Variants in PHACTR1 observed in about 807,000 individuals in gnomAD.
PHACTR1 encodes the protein phosphatase and actin regulator 1.
PHACTR1 carries 16 observed loss-of-function variants against 69.2 expected under a neutral mutation model. The observed-to-expected ratio is 0.23, with a 90% CI of 0.16 to 0.35. PHACTR1 has a LOEUF of 0.35. PHACTR1 is among the 10% of genes least tolerant of loss of function. The pLI, the probability that PHACTR1 is intolerant of heterozygous loss-of-function variation, is 1.00. For missense variants in PHACTR1, 510 were observed against 734.7 expected (o/e 0.69, Z 3.54); for synonymous variants, 312 against 284.5 (o/e 1.10, Z -0.97).
At chr6:13,196,460 GC>G (rs1394512845) in intron 7 of PHACTR1, 6 of 148,606 alleles carry the variant, frequency 4.0e-5, no homozygotes, top group African/African-American at 1.9e-4. Flanking sequence ...TCACTCTGTT[GC>G]CCACGGTGGA....
chr6:12,806,219 G>A (rs906244627), intron 4 of PHACTR1, among the ~76,000 whole-genome samples: 1 of 152,096 alleles, frequency 6.6e-6, no homozygotes, highest in Non-Finnish European at 1.5e-5. Context: ...CAACCGCAGT[G>A]TCTACCATCC....
At chr6:12,740,174 T>TA (rs1013289324) in intron 3 of PHACTR1, among the ~76,000 whole-genome samples, 7 of 152,182 alleles carry the variant, frequency 4.6e-5, no homozygotes, top group Admixed American at 2.0e-4. Context: ...GTTTTTTTTT[T>TA]ATGTCTGACA....
chr6:13,153,253 T>C (rs965754413), intron 5 of PHACTR1, among the ~76,000 whole-genome samples: 1 of 152,174 alleles, frequency 6.6e-6, no homozygotes, highest in African/African-American at 2.4e-5. Flanking sequence ...GCCATGCCTT[T>C]TGAGGTTTCA....
At chr6:12,751,491 G>A (rs866626367) in intron 4 of PHACTR1, among the ~76,000 whole-genome samples, 7 of 152,174 alleles carry the variant, frequency 4.6e-5, no homozygotes, top group Admixed American at 1.3e-4. Context: ...CCTTTGCTTA[G>A]CCCAGGAGGA....
At chr6:12,947,759 C>T (rs1790845619) in intron 4 of PHACTR1, among the ~76,000 whole-genome samples, 1 of 152,126 alleles carries the variant, frequency 6.6e-6, no homozygotes, top group Non-Finnish European at 1.5e-5. Flanking sequence ...AAGGTCTAAA[C>T]AATTTAAATA....
At chr6:12,844,546 AC>A (rs1779012145) in intron 4 of PHACTR1, among the ~76,000 whole-genome samples, 1 of 152,148 alleles carries the variant, frequency 6.6e-6, no homozygotes. Flanking sequence ...CGTACAGGAC[AC>A]TGAGGTAAAG....
intron 4 of PHACTR1, among the ~76,000 whole-genome samples, chr6:12,945,731 A>G (rs1790595274): frequency 6.6e-6 from 1 of 152,102 alleles, no homozygotes; most frequent in Non-Finnish European, 1.5e-5. Context: ...TGGGAGGCGG[A>G]GGCAGGCAGA....
chr6:13,131,296 A>G (rs1236533047), intron 5 of PHACTR1, among the ~76,000 whole-genome samples: 3 of 151,958 alleles, frequency 2.0e-5, no homozygotes, highest in East Asian at 1.9e-4. Context: ...GGCATTCACA[A>G]TTACCTGGAT....
intron 4 of PHACTR1, among the ~76,000 whole-genome samples, chr6:12,852,126 C>T (rs1035750226): frequency 2.0e-5 from 3 of 152,154 alleles, no homozygotes; most frequent in African/African-American, 4.8e-5. Context: ...TGAGCCACCA[C>T]GCTAGGCCAA....
At chr6:13,186,565 T>G (rs1762850538) in intron 7 of PHACTR1, among the ~76,000 whole-genome samples, 1 of 152,240 alleles carries the variant, frequency 6.6e-6, no homozygotes, top group Non-Finnish European at 1.5e-5. Flanking sequence ...CCTTTAAGGC[T>G]TTGATGTCAA....
intron 10 of PHACTR1, among the ~76,000 whole-genome samples, chr6:13,240,427 T>C (rs1772660853): frequency 6.6e-6 from 1 of 151,236 alleles, no homozygotes; most frequent in Non-Finnish European, 1.5e-5. Context: ...GGGTTTTTTT[T>C]TGTTGTTGTT....
chr6:12,945,425 C>T (rs1790571828), intron 4 of PHACTR1, among the ~76,000 whole-genome samples: 2 of 152,208 alleles, frequency 1.3e-5, no homozygotes, highest in African/African-American at 4.8e-5. Context: ...AGAATATTTT[C>T]TCAGTACATT....
At chr6:12,904,213 T>C (rs1050490623) in intron 4 of PHACTR1, among the ~76,000 whole-genome samples, 3 of 152,182 alleles carry the variant, frequency 2.0e-5, no homozygotes, top group African/African-American at 7.2e-5. Flanking sequence ...GGCTTTCTTT[T>C]AGCATTTCCT....
chr6:13,177,441 ATG>A lies in PHACTR1; in HGVS notation c.497-5064_497-5063del, dbSNP rs551272853. On this transcript the variant is annotated intron_variant, in intron 6 of 14. Coordinates refer to ENST00000332995, the MANE Select transcript of PHACTR1 (RefSeq NM_030948.6). ...CACATATATGTATGTATGTGTATAT[ATG>A]TGTGTGTGTGTGTATATATATATAC... Among the ~76,000 whole-genome samples, 356 of 141,920 alleles carry A rather than the reference ATG, an allele frequency of 2.5e-3. 3 individuals carry two copies. The highest frequency in any genetic ancestry group is 8.9e-3 in the African/African-American group (320 of 35,830). The allele number at this position is 141,920 out of a possible 152,430, so 93.1% of individuals were successfully genotyped here. A position where few individuals can be genotyped will look rare whatever the true frequency, so the allele number is the denominator to read the frequency against.
chr6:12,894,088 C>CA (rs1784413287), intron 4 of PHACTR1, among the ~76,000 whole-genome samples: 1 of 152,182 alleles, frequency 6.6e-6, no homozygotes, highest in African/African-American at 2.4e-5. Context: ...TGGCTACTTT[C>CA]AATATTGCAG....
intron 5 of PHACTR1, among the ~76,000 whole-genome samples, chr6:13,057,814 A>G (rs1417038796): frequency 6.6e-6 from 1 of 152,102 alleles, no homozygotes; most frequent in East Asian, 1.9e-4. Context: ...TTCGAATGCT[A>G]CTCTTACATC....
chr6:12,788,131 C>G (rs1307010283), intron 4 of PHACTR1, among the ~76,000 whole-genome samples: 2 of 151,316 alleles, frequency 1.3e-5, no homozygotes, highest in Non-Finnish European at 2.9e-5. Context: ...GCACTCCAGC[C>G]TGGGTGACAG....
At chr6:12,968,377 T>A (rs1437103410) in intron 4 of PHACTR1, among the ~76,000 whole-genome samples, 6 of 152,202 alleles carry the variant, frequency 3.9e-5, no homozygotes. Context: ...CTTTAATTTT[T>A]TTTCATGGCA....
chr6:12,931,648 G>T (rs901213508), intron 4 of PHACTR1, among the ~76,000 whole-genome samples: 7 of 152,062 alleles, frequency 4.6e-5, no homozygotes, highest in Non-Finnish European at 1.0e-4. Flanking sequence ...AGCATCCGGG[G>T]ACTTTAATTA....
Sources: allele counts gnomAD v4.1 joint callset (sites outside exome capture counted in the v4.1 genomes callset), GRCh38; gene constraint gnomAD v4.1.1; transcripts MANE v1.5; gene names NCBI Gene and HGNC (gene_info 2026-07-23, HGNC 2026-07-21).